The following MTSS1 variants were observed in gnomAD, a reference collection of about 807,000 sequenced individuals.
MTSS1 encodes the protein protein MTSS 1.
A neutral mutation model predicts 79.0 loss-of-function variants in MTSS1; 18 were observed. That is an observed-to-expected ratio of 0.23 (90% CI 0.16 to 0.34). MTSS1 has a LOEUF of 0.34. Among genes scored for constraint, MTSS1 ranks in the 10% least tolerant of loss-of-function variants. The probability of loss-of-function intolerance (pLI) is 1.00; values close to 1 mark genes in which losing one functional copy is unlikely to be tolerated. For missense variants in MTSS1, 815 were observed against 986.2 expected (o/e 0.83, Z 2.33); for synonymous variants, 341 against 368.6 (o/e 0.93, Z 0.86).
At chr8:124,709,484 G>A (rs753189091) in intron 1 of MTSS1, among the ~76,000 whole-genome samples, 4 of 152,136 alleles carry the variant, frequency 2.6e-5, no homozygotes, top group African/African-American at 7.2e-5. Flanking sequence ...CTCCCGCCAC[G>A]CCCCGGCTTC....
At chr8:124,677,239 A>G (rs1825454857) in intron 3 of MTSS1, among the ~76,000 whole-genome samples, 1 of 152,228 alleles carries the variant, frequency 6.6e-6, no homozygotes. Context: ...ACCAAAGGCA[A>G]GGAAAAGGTA....
chr8:124,700,879 T>C (rs1829603879), intron 2 of MTSS1, among the ~76,000 whole-genome samples: 1 of 152,178 alleles, frequency 6.6e-6, no homozygotes, highest in Admixed American at 6.5e-5. Context: ...TTCCTAAGGA[T>C]GCAAAGTTGC....
chr8:124,571,731 C>T (rs936240967), intron 6 of MTSS1, among the ~76,000 whole-genome samples: 3 of 152,282 alleles, frequency 2.0e-5, no homozygotes, highest in South Asian at 2.1e-4. Flanking sequence ...TTTGGGAGGC[C>T]GCGGCGGGCG....
chr8:124,587,259 G>A (rs1274391366), intron 5 of MTSS1, among the ~76,000 whole-genome samples: 1 of 152,204 alleles, frequency 6.6e-6, no homozygotes, highest in Non-Finnish European at 1.5e-5. Context: ...CAATGAATGA[G>A]CCAAGTCAGC....
intron 6 of MTSS1, among the ~76,000 whole-genome samples, chr8:124,571,518 A>G (rs1046910348): frequency 2.6e-5 from 4 of 152,148 alleles, no homozygotes; most frequent in African/African-American, 9.7e-5. Flanking sequence ...ATGATGTTCT[A>G]ATAACAAAAC....
At chr8:124,693,324 A>G (rs1251057921) in intron 3 of MTSS1, among the ~76,000 whole-genome samples, 2 of 152,220 alleles carry the variant, frequency 1.3e-5, no homozygotes, top group Non-Finnish European at 1.5e-5. Context: ...ACATACCTCA[A>G]TGGAGAGCAA....
chr8:124,587,696 G>A (rs1831113133), intron 5 of MTSS1, among the ~76,000 whole-genome samples: 1 of 151,942 alleles, frequency 6.6e-6, no homozygotes, highest in Admixed American at 6.6e-5. Flanking sequence ...GTGGAGGTGG[G>A]GTTTTGCCAT....
intron 3 of MTSS1, among the ~76,000 whole-genome samples, chr8:124,652,900 TC>T: frequency 6.6e-6 from 1 of 152,324 alleles, no homozygotes; most frequent in African/African-American, 2.4e-5. Flanking sequence ...AGTTCTTTTT[TC>T]ATTAACCTAT....
chr8:124,588,330 G>C (rs945595576), intron 5 of MTSS1, among the ~76,000 whole-genome samples: 1 of 152,158 alleles, frequency 6.6e-6, no homozygotes, highest in African/African-American at 2.4e-5. Context: ...ATTTATTTCT[G>C]TTTCAGTAGA....
chr8:124,617,802 C>T (rs1812693895), intron 3 of MTSS1, among the ~76,000 whole-genome samples: 1 of 152,292 alleles, frequency 6.6e-6, no homozygotes, highest in Non-Finnish European at 1.5e-5. Context: ...AAGTAGTAAC[C>T]TGGTGCTAAG....
intron 3 of MTSS1, among the ~76,000 whole-genome samples, chr8:124,666,894 G>A (rs986574666): frequency 6.6e-6 from 1 of 152,154 alleles, no homozygotes; most frequent in African/African-American, 2.4e-5. Context: ...TCAGCAGTAG[G>A]GAGAGGAGGA....
intron 1 of MTSS1, among the ~76,000 whole-genome samples, chr8:124,716,931 G>A (rs1021108880): frequency 1.3e-5 from 2 of 151,706 alleles, no homozygotes; most frequent in Admixed American, 6.6e-5. Flanking sequence ...AAAGTCCTTC[G>A]GGGGAAATCA....
chr8:124,697,490 G>A (rs932653465), intron 3 of MTSS1, among the ~76,000 whole-genome samples: 6 of 152,046 alleles, frequency 3.9e-5, no homozygotes, highest in African/African-American at 1.2e-4. Flanking sequence ...AATGTGGGGA[G>A]GCAGAGGTTG....
At chr8:124,679,467 G>T (rs1018932153) in intron 3 of MTSS1, among the ~76,000 whole-genome samples, 1 of 152,186 alleles carries the variant, frequency 6.6e-6, no homozygotes, top group Non-Finnish European at 1.5e-5. Flanking sequence ...TGAGAGTGAG[G>T]CTCAAATATT....
intron 6 of MTSS1, chr8:124,580,365 G>T: frequency 1.7e-6 from 1 of 589,220 alleles, no homozygotes; most frequent in Non-Finnish European, 2.9e-6. Flanking sequence ...ATCCAAAAAA[G>T]AAAACAATTA....
chr8:124,714,035 T>C (rs994005017), intron 1 of MTSS1, among the ~76,000 whole-genome samples: 2 of 152,210 alleles, frequency 1.3e-5, no homozygotes, highest in Non-Finnish European at 2.9e-5. Context: ...GCAAGAGCCA[T>C]GGCCATTACG....
intron 3 of MTSS1, among the ~76,000 whole-genome samples, chr8:124,660,449 C>CAG: frequency 6.6e-6 from 1 of 151,374 alleles, no homozygotes; most frequent in African/African-American, 2.4e-5. Flanking sequence ...CACACACACA[C>CAG]ACACACACAC....
Position 124,556,332 on chromosome 8 carries a change from G to A in MTSS1, c.1304C>T (p.Pro435Leu), listed in dbSNP as rs146742280. The A allele has an allele frequency of 2.9e-4, 470 of 1,614,170 alleles. 1 individual carries two copies. The African/African-American group carries it at 5.2e-3, about 18-fold the overall frequency. Reference sequence around the variant, plus strand: ...AGTGGGTCCTCCCCCGTTGGGGTCCGGTTCTCGCTTCTCTTTGCGGCGCTG... The same window carrying A: ...AGTGGGTCCTCCCCCGTTGGGGTCCAGTTCTCGCTTCTCTTTGCGGCGCTG... ...TLQRRKEKRE[P>L]DPNGGGPTTA... Residue 435 changes from proline to leucine, a missense_variant, in exon 12 of 14, where the codon CCG becomes CTG. By Grantham distance (98) the Pro-to-Leu change is moderately conservative. This residue lies in a region of MTSS1 where 590 missense variants were observed against 620.8 expected (regional missense o/e 0.95). Transcript: ENST00000518547.
At position 124,577,276 on chromosome 8, in the gene MTSS1, G is replaced by A. The variant is rs138007826; in HGVS notation, c.460+7811C>T. Among the ~76,000 whole-genome samples the A allele has an allele frequency of 6.9e-3, 1,050 of 152,308 alleles. 9 individuals carry two copies. The highest frequency in any genetic ancestry group is 0.011 in the Non-Finnish European group (739 of 68,028). On this transcript the variant is annotated intron_variant, in intron 6 of 13. Transcript: ENST00000518547. ...AAATTTCTTTTATTTTGGAGACAGG[G>A]TCTCACTCTGTCACCCAGACTGGAG...
Sources: gnomAD v4.1 joint callset for allele counts (sites outside exome capture counted in the v4.1 genomes callset) on GRCh38, gnomAD v4.1.1 for gene constraint, gnomAD v4.1.1 regional missense constraint, MANE v1.5 for transcripts, NCBI Gene and HGNC (gene_info 2026-07-23, HGNC 2026-07-21) for gene names.